The following ZSWIM6 variants were observed in gnomAD, a reference collection of about 807,000 sequenced individuals.
The protein encoded by ZSWIM6 is zinc finger SWIM domain-containing protein 6.
Under a neutral mutation model 113.2 loss-of-function variants are expected in ZSWIM6, and 9 were observed. That is an observed-to-expected ratio of 0.08 (90% CI 0.05 to 0.14). ZSWIM6 has a LOEUF of 0.14. Among genes scored for constraint, ZSWIM6 ranks in the 10% least tolerant of loss-of-function variants. The pLI is 1.00. For missense variants in ZSWIM6, 1,162 were observed against 1,552.2 expected (o/e 0.75, Z 4.22); for synonymous variants, 611 against 606.5 (o/e 1.01, Z -0.11).
intron 1 of ZSWIM6, among the ~76,000 whole-genome samples, chr5:61,455,686 C>G (rs1168394719): frequency 1.3e-5 from 2 of 152,112 alleles, no homozygotes; most frequent in African/African-American, 4.8e-5. Flanking sequence ...GGTAGCCCAG[C>G]TTAGTGAGGC....
intron 1 of ZSWIM6, among the ~76,000 whole-genome samples, chr5:61,456,195 C>A (rs1194014764): frequency 6.6e-6 from 1 of 151,852 alleles, no homozygotes; most frequent in Non-Finnish European, 1.5e-5. Context: ...ATATTGGAGG[C>A]CTTCTCAAAA....
chr5:61,507,613 G>C lies in ZSWIM6; in HGVS notation c.1333+13203G>C, dbSNP rs1016446933. 2.7e-4 allele frequency among the ~76,000 whole-genome samples: 41 copies of C among 152,070 alleles called. 1 individual carries two copies. Among genetic ancestry groups the C allele is most frequent in the Non-Finnish European group, 1.5e-5 (1 of 68,010 alleles). The stretch of plus-strand genomic sequence containing the variant: ...CAATCTACAATGAAATTACTTATTT[G>C]CTTTGCCTGTCAGTCCTGAAAAATT... On this transcript the variant is annotated intron_variant, in intron 4 of 13. Transcript: ENST00000252744.
At chr5:61,333,009 G>GGGGGGGC in intron 1 of ZSWIM6, 61 bp downstream of exon 1, 3 of 439,888 alleles carry the variant, frequency 6.8e-6, no homozygotes, top group Non-Finnish European at 9.6e-6. Flanking sequence ...TGGGGGGGGG[G>GGGGGGGC]TGCCCGCCTT....
At chr5:61,426,560 G>GT (rs765567539) in intron 1 of ZSWIM6, among the ~76,000 whole-genome samples, 143 of 151,826 alleles carry the variant, frequency 9.4e-4, no homozygotes, top group Middle Eastern at 3.4e-3. Context: ...TAACTAATCT[G>GT]TTCATATTCC....
chr5:61,397,485 C>T (rs1347606078), intron 1 of ZSWIM6, among the ~76,000 whole-genome samples: 1 of 151,900 alleles, frequency 6.6e-6, no homozygotes, highest in Non-Finnish European at 1.5e-5. Flanking sequence ...ATCAGCCCTG[C>T]AGTAGGGTCC....
At chr5:61,354,866 A>G (rs1744867285) in intron 1 of ZSWIM6, among the ~76,000 whole-genome samples, 1 of 152,138 alleles carries the variant, frequency 6.6e-6, no homozygotes, top group Non-Finnish European at 1.5e-5. Context: ...CTTAGACTGC[A>G]TTTTGATCAT....
intron 1 of ZSWIM6, among the ~76,000 whole-genome samples, chr5:61,443,966 C>CT (rs1405977214): frequency 1.3e-5 from 2 of 151,922 alleles, no homozygotes; most frequent in East Asian, 3.9e-4. Flanking sequence ...TATTATTATA[C>CT]TTTAAGTTTT....
chr5:61,456,010 T>A (rs1747198804), intron 1 of ZSWIM6, among the ~76,000 whole-genome samples: 1 of 152,134 alleles, frequency 6.6e-6, no homozygotes. Flanking sequence ...TATTTAGTAC[T>A]ACTGTCTGTA....
chr5:61,411,096 A>C (rs1746141144), intron 1 of ZSWIM6, among the ~76,000 whole-genome samples: 1 of 152,206 alleles, frequency 6.6e-6, no homozygotes, highest in South Asian at 2.1e-4. Flanking sequence ...GAAGCACTGC[A>C]GCAAAGTCGC....
At chr5:61,517,759 A>T (rs1327950644) in intron 4 of ZSWIM6, among the ~76,000 whole-genome samples, 1 of 149,206 alleles carries the variant, frequency 6.7e-6, no homozygotes, top group Non-Finnish European at 1.5e-5. Context: ...TCCTCAGGAG[A>T]TTTTTTTTTA....
At chr5:61,333,226 C>T (rs911088050) in intron 1 of ZSWIM6, among the ~76,000 whole-genome samples, 2 of 151,940 alleles carry the variant, frequency 1.3e-5, no homozygotes, top group Admixed American at 6.5e-5. Flanking sequence ...GCTCCCCTAC[C>T]CGCCCTCCTC....
At chr5:61,471,346 C>A (rs1389661664) in intron 1 of ZSWIM6, among the ~76,000 whole-genome samples, 1 of 152,162 alleles carries the variant, frequency 6.6e-6, no homozygotes, top group Non-Finnish European at 1.5e-5. Context: ...CCCCTTACCA[C>A]CCACCCCAAT....
intron 1 of ZSWIM6, among the ~76,000 whole-genome samples, chr5:61,379,050 G>A (rs1316778134): frequency 6.6e-6 from 1 of 151,738 alleles, no homozygotes; most frequent in East Asian, 1.9e-4. Context: ...GTGTCGTGGT[G>A]CGTGCCTATA....
chr5:61,542,663 G>A (rs1306167308), intron 13 of ZSWIM6, among the ~76,000 whole-genome samples: 9 of 152,046 alleles, frequency 5.9e-5, no homozygotes, highest in South Asian at 2.1e-4. Context: ...TTTCACTAAC[G>A]TATAATGGTT....
intron 1 of ZSWIM6, among the ~76,000 whole-genome samples, chr5:61,426,667 C>G (rs1360844061): frequency 6.6e-6 from 1 of 151,966 alleles, no homozygotes; most frequent in Admixed American, 6.6e-5. Flanking sequence ...ATTTAGTTCT[C>G]AATGTCTCTT....
chr5:61,333,009 G>GCCC, intron 1 of ZSWIM6, 61 bp downstream of exon 1: 3 of 439,890 alleles, frequency 6.8e-6, no homozygotes, highest in Non-Finnish European at 9.6e-6. Context: ...TGGGGGGGGG[G>GCCC]TGCCCGCCTT....
intron 13 of ZSWIM6, among the ~76,000 whole-genome samples, chr5:61,542,180 G>A (rs1749759351): frequency 6.6e-6 from 1 of 152,224 alleles, no homozygotes; most frequent in East Asian, 1.9e-4. Flanking sequence ...CATTTGTGAA[G>A]CTCCAGCTTC....
chr5:61,354,040 G>A (rs970509824), intron 1 of ZSWIM6, among the ~76,000 whole-genome samples: 17 of 152,142 alleles, frequency 1.1e-4, no homozygotes, highest in South Asian at 2.1e-4. Flanking sequence ...TGCTTTCCCC[G>A]CTTTGTTTTA....
intron 13 of ZSWIM6, among the ~76,000 whole-genome samples, chr5:61,542,186 GCTT>G (rs1282635822): frequency 6.6e-6 from 1 of 152,206 alleles, no homozygotes; most frequent in Non-Finnish European, 1.5e-5. Flanking sequence ...TGAAGCTCCA[GCTT>G]CTTATTTAAA....
Sources: allele counts gnomAD v4.1 joint callset (sites outside exome capture counted in the v4.1 genomes callset), GRCh38; gene constraint gnomAD v4.1.1; transcripts MANE v1.5; gene names NCBI Gene and HGNC (gene_info 2026-07-23, HGNC 2026-07-21).